KANK1: variants seen among roughly 807,000 people sequenced by gnomAD.
The protein encoded by KANK1 is KN motif and ankyrin repeat domains 1, also known as KN motif and ankyrin repeat domain-containing protein 1.
KANK1 carries 109 observed loss-of-function variants against 106.2 expected under a neutral mutation model. The observed-to-expected ratio is 1.03, with a 90% confidence interval of 0.88 to 1.20. The LOEUF (loss-of-function observed/expected upper bound fraction) is 1.20, where lower values mean the gene tolerates loss of function less well. KANK1 is among the 50% of genes most tolerant of loss of function. The pLI is 0.00. For synonymous variants in KANK1, 873 were observed against 652.2 expected (o/e 1.34, Z -5.16); for missense variants, 2,399 against 1,710.7 (o/e 1.40, Z -7.10).
chr9:684,263 T>C, intron 2 of KANK1: 1 of 985,402 alleles, frequency 1.0e-6, no homozygotes. Flanking sequence ...GAAAGGATGA[T>C]TTATCTTCCA....
intron 1 of KANK1, among the ~76,000 whole-genome samples, chr9:636,250 G>A (rs992602825): frequency 2.0e-5 from 3 of 152,140 alleles, no homozygotes; most frequent in Non-Finnish European, 4.4e-5. Flanking sequence ...TTTATATGCA[G>A]AACTCTCCTG....
intron 1 of KANK1, among the ~76,000 whole-genome samples, chr9:675,207 A>G (rs535851115): frequency 2.0e-5 from 3 of 152,318 alleles, no homozygotes; most frequent in South Asian, 4.1e-4. Context: ...CTTTTAACCA[A>G]CATACTTTGA....
intron 1 of KANK1, among the ~76,000 whole-genome samples, chr9:625,905 G>C (rs796440766): frequency 7.2e-5 from 11 of 152,134 alleles, no homozygotes; most frequent in African/African-American, 2.7e-4. Context: ...ACGGTCCCCA[G>C]ATGATCATTT....
At chr9:561,833 A>G (rs921986859) in intron 1 of KANK1, among the ~76,000 whole-genome samples, 1 of 152,232 alleles carries the variant, frequency 6.6e-6, no homozygotes, top group Admixed American at 6.5e-5. Flanking sequence ...GAAAACTGTC[A>G]AGAGTCTGTA....
At chr9:701,820 A>G (rs541885463) in intron 2 of KANK1, among the ~76,000 whole-genome samples, 15 of 152,270 alleles carry the variant, frequency 9.9e-5, no homozygotes, top group Admixed American at 7.8e-4. Flanking sequence ...AAAACCATGT[A>G]TTATTTGGAC....
intron 1 of KANK1, among the ~76,000 whole-genome samples, chr9:541,234 T>C (rs766580507): frequency 6.6e-6 from 1 of 152,110 alleles, no homozygotes; most frequent in Non-Finnish European, 1.5e-5. Context: ...AACAGACATA[T>C]AGACCAATGG....
Position 577,988 on chromosome 9 carries a change from C to T in KANK1, c.-84+73234C>T, listed in dbSNP as rs777876521. Among the ~76,000 whole-genome samples the T allele has an allele frequency of 3.9e-5, 6 of 152,158 alleles. 1 individual carries two copies. Among genetic ancestry groups the T allele is most frequent in the Admixed American group, 1.3e-4 (2 of 15,280 alleles). ...TACCTGTGCACACATCATTCCCTCACTCAGAGCCCAGCTAGGAGGCCTCCT... is the reference window on the plus strand; with the variant it reads ...TACCTGTGCACACATCATTCCCTCATTCAGAGCCCAGCTAGGAGGCCTCCT... On this transcript the variant is annotated intron_variant, in intron 1 of 11. Coordinates refer to ENST00000382297, the MANE Select transcript of KANK1 (RefSeq NM_015158.5).
intron 1 of KANK1, among the ~76,000 whole-genome samples, chr9:520,038 A>G (rs1340922024): frequency 1.3e-5 from 2 of 151,752 alleles, no homozygotes; most frequent in East Asian, 1.9e-4. Context: ...GGCAGAGGGT[A>G]AGAAAAGAAA....
intron 1 of KANK1, among the ~76,000 whole-genome samples, chr9:515,402 A>G (rs1225102983): frequency 4.0e-5 from 6 of 150,220 alleles, no homozygotes; most frequent in African/African-American, 1.2e-4. Flanking sequence ...ACATTGTATC[A>G]GTTCTTTAAC....
intron 1 of KANK1, among the ~76,000 whole-genome samples, chr9:612,842 C>G (rs1416776167): frequency 6.6e-6 from 1 of 152,044 alleles, no homozygotes; most frequent in Non-Finnish European, 1.5e-5. Context: ...AATGGGGAGT[C>G]AAGAAGTAGT....
chr9:634,889 C>T (rs1836712751), intron 1 of KANK1, among the ~76,000 whole-genome samples: 1 of 152,228 alleles, frequency 6.6e-6, no homozygotes, highest in African/African-American at 2.4e-5. Flanking sequence ...ATCCACTATG[C>T]ACTGGTACAT....
chr9:483,800 C>G (rs1037336604), intron 3 of KANK1, among the ~76,000 whole-genome samples: 1 of 152,166 alleles, frequency 6.6e-6, no homozygotes, highest in African/African-American at 2.4e-5. Context: ...TGACAACCTG[C>G]TAGCTCTTTC....
intron 2 of KANK1, among the ~76,000 whole-genome samples, chr9:700,103 G>C (rs1263301071): frequency 3.3e-5 from 5 of 152,210 alleles, no homozygotes; most frequent in Middle Eastern, 3.2e-3. Flanking sequence ...CTTAGAAAAA[G>C]CCTAGCACGT....
At chr9:606,626 A>G (rs1829260381) in intron 1 of KANK1, among the ~76,000 whole-genome samples, 2 of 121,232 alleles carry the variant, frequency 1.6e-5, no homozygotes, top group South Asian at 3.3e-4. Flanking sequence ...ATATATTTAT[A>G]TATTTATATA....
chr9:495,968 AACAC>A (rs33961058), intron 3 of KANK1, among the ~76,000 whole-genome samples: 6 of 149,636 alleles, frequency 4.0e-5, no homozygotes, highest in Admixed American at 2.7e-4. Context: ...AGCATAATTA[AACAC>A]ACACACACAC....
At chr9:499,200 G>A (rs1406310801) in intron 3 of KANK1, among the ~76,000 whole-genome samples, 1 of 151,168 alleles carries the variant, frequency 6.6e-6, no homozygotes, top group Non-Finnish European at 1.5e-5. Context: ...AAAGTTAAAC[G>A]CAGAGTTATC....
chr9:742,540 C>T, intron 10 of KANK1, 135 bp downstream of exon 10: 1 of 646,132 alleles, frequency 1.5e-6, no homozygotes. Context: ...ATCTAGGTGC[C>T]TCCCTTCACA....
intron 1 of KANK1, among the ~76,000 whole-genome samples, chr9:538,147 G>A (rs568118834): frequency 6.6e-6 from 1 of 151,396 alleles, no homozygotes; most frequent in South Asian, 2.1e-4. Flanking sequence ...CACAAGCTCT[G>A]GACTTCTCTC....
upstream of KANK1, among the ~76,000 whole-genome samples, chr9:501,624 A>ACC (rs1377391177): frequency 6.6e-6 from 1 of 151,832 alleles, no homozygotes. Flanking sequence ...ACACACACAC[A>ACC]CACACACACA....
Sources: allele counts gnomAD v4.1 joint callset (sites outside exome capture counted in the v4.1 genomes callset), GRCh38; gene constraint gnomAD v4.1.1; transcripts MANE v1.5; gene names NCBI Gene and HGNC (gene_info 2026-07-23, HGNC 2026-07-21).